The following IDE variants were observed in gnomAD, a reference collection of about 807,000 sequenced individuals.
IDE encodes the protein insulin-degrading enzyme.
In IDE, 58 loss-of-function variants were observed where a neutral mutation model predicts 133.2. The ratio of observed to expected loss-of-function variants is 0.44; its 90% CI spans 0.35 to 0.54. IDE has a LOEUF of 0.54. IDE is among the 20% of genes least tolerant of loss of function. IDE has a pLI of 0.00. For synonymous variants in IDE, 396 were observed against 421.3 expected, an observed-to-expected ratio of 0.94 and a Z score of 0.73; for missense variants, 981 against 1,234.0, an observed-to-expected ratio of 0.79 and a Z score of 3.07.
chr10:92,568,232 TAC>T (rs199634564), intron 1 of IDE, among the ~76,000 whole-genome samples: 3,178 of 152,270 alleles, frequency 0.021, 49 homozygotes, highest in Admixed American at 0.052. Flanking sequence ...GCTAGAGAAA[TAC>T]ATTTGGGAGT....
intron 1 of IDE, among the ~76,000 whole-genome samples, chr10:92,545,178 C>T (rs942355323): frequency 4.6e-5 from 7 of 151,982 alleles, no homozygotes; most frequent in African/African-American, 1.4e-4. Flanking sequence ...AACAATCTCC[C>T]GCCCTCCCCC....
chr10:92,573,136 C>T (rs1255001221), intron 1 of IDE: 1 of 985,286 alleles, frequency 1.0e-6, no homozygotes, highest in Admixed American at 6.1e-5. Context: ...AAGTATTCAG[C>T]GTTCACTACA....
At chr10:92,511,640 C>G (rs1169892719) in intron 5 of IDE, among the ~76,000 whole-genome samples, 1 of 151,974 alleles carries the variant, frequency 6.6e-6, no homozygotes, top group East Asian at 1.9e-4. Flanking sequence ...TCTTTTGTGC[C>G]TTTAAGTGTA....
intron 1 of IDE, among the ~76,000 whole-genome samples, chr10:92,556,945 T>C (rs897891619): frequency 6.7e-6 from 1 of 150,214 alleles, no homozygotes; most frequent in Non-Finnish European, 1.5e-5. Context: ...AAAAAACTTA[T>C]GCATAAATTT....
At chr10:92,494,540 A>G (rs1847576412) in intron 11 of IDE, among the ~76,000 whole-genome samples, 2 of 152,046 alleles carry the variant, frequency 1.3e-5, no homozygotes. Flanking sequence ...CCTTGAGTTC[A>G]AGGCAAGCCT....
chr10:92,495,332 T>C (rs925918792), intron 11 of IDE, among the ~76,000 whole-genome samples: 9 of 151,660 alleles, frequency 5.9e-5, no homozygotes, highest in Non-Finnish European at 1.3e-4. Context: ...GCGATTCTCC[T>C]GCCTCAGCCT....
chr10:92,534,648 A>C lies in IDE; in HGVS notation c.421T>G (p.Phe141Val). The C allele has an allele frequency of 6.2e-7, 1 of 1,613,892 alleles. No homozygotes were observed. The change falls in exon 3 of 25, where the codon TTT becomes GTT. Residue 141 changes from phenylalanine to valine, a missense_variant. Coordinates refer to ENST00000265986, the MANE Select transcript of IDE (RefSeq NM_004969.4). ...TAATTGGTATGCTCTCCACTAGTAA[A>C]GGCATTTGAACTTCCTGCATGCTCA... is the stretch of plus-strand genomic sequence containing the variant. ...LSEHAGSSNA[F>V]TSGEHTNYYF...
chr10:92,503,430 C>G (rs1292097933), intron 11 of IDE, among the ~76,000 whole-genome samples: 1 of 152,064 alleles, frequency 6.6e-6, no homozygotes. Context: ...CCTTGGCTTC[C>G]CAAAAAATAG....
intron 20 of IDE, among the ~76,000 whole-genome samples, 195 bp downstream of exon 20, chr10:92,465,481 T>C (rs1845633383): frequency 6.6e-6 from 1 of 152,214 alleles, no homozygotes; most frequent in African/African-American, 2.4e-5. Flanking sequence ...ATCTCATAAA[T>C]AATTGCTTTA....
chr10:92,549,482 C>T (rs182367811), intron 1 of IDE, among the ~76,000 whole-genome samples: 25 of 152,082 alleles, frequency 1.6e-4, no homozygotes, highest in Non-Finnish European at 3.2e-4. Context: ...AATCAATCAA[C>T]ATCTAAGCCA....
intron 18 of IDE, 22 bp downstream of exon 18, chr10:92,470,232 T>G: frequency 1.3e-6 from 2 of 1,504,574 alleles, no homozygotes; most frequent in Non-Finnish European, 1.8e-6. Flanking sequence ...CACAAAAGAT[T>G]GCTAAAACCT....
At chr10:92,534,843 A>T in intron 2 of IDE, 58 bp from the exon 3 acceptor site, 1 of 1,305,722 alleles carries the variant, frequency 7.7e-7, no homozygotes, top group Non-Finnish European at 1.1e-6. Context: ...GTTAGTAAGT[A>T]CAGGTGATTT....
At chr10:92,463,340 T>C (rs1367029953) in intron 21 of IDE, among the ~76,000 whole-genome samples, 1 of 152,234 alleles carries the variant, frequency 6.6e-6, no homozygotes, top group Non-Finnish European at 1.5e-5. Context: ...TGAACTCCTG[T>C]GCCTCAAGGG....
intron 15 of IDE, among the ~76,000 whole-genome samples, chr10:92,477,749 T>C (rs1294653088): frequency 6.6e-6 from 1 of 152,218 alleles, no homozygotes; most frequent in Admixed American, 6.5e-5. Context: ...TTGATGGTAA[T>C]ATGCTACTAA....
At chr10:92,544,560 G>C (rs750407807) in intron 1 of IDE, among the ~76,000 whole-genome samples, 14 of 152,196 alleles carry the variant, frequency 9.2e-5, no homozygotes, top group Non-Finnish European at 1.2e-4. Context: ...GGACAGAGGT[G>C]GTGCTGAAGG....
At chr10:92,522,443 G>T (rs1314721482) in intron 4 of IDE, among the ~76,000 whole-genome samples, 1 of 152,126 alleles carries the variant, frequency 6.6e-6, no homozygotes, top group Non-Finnish European at 1.5e-5. Context: ...AACCTATACA[G>T]ATAGTTCCAC....
intron 1 of IDE, among the ~76,000 whole-genome samples, chr10:92,546,173 A>T (rs979041280): frequency 2.0e-5 from 3 of 152,230 alleles, no homozygotes; most frequent in African/African-American, 7.2e-5. Flanking sequence ...CCTTCCATTT[A>T]TACAAAGCAG....
intron 18 of IDE, among the ~76,000 whole-genome samples, chr10:92,469,218 T>C (rs1305646970): frequency 6.6e-6 from 1 of 152,134 alleles, no homozygotes; most frequent in African/African-American, 2.4e-5. Flanking sequence ...CTGATGCTGA[T>C]GCTGGAAAAA....
At chr10:92,481,052 G>T in intron 14 of IDE, 1 of 242,406 alleles carries the variant, frequency 4.1e-6, no homozygotes, top group Non-Finnish European at 6.6e-6. Context: ...ATTTTTTAAG[G>T]TATGATACAT....
Sources: allele counts gnomAD v4.1 joint callset (sites outside exome capture counted in the v4.1 genomes callset), GRCh38; gene constraint gnomAD v4.1.1; transcripts MANE v1.5; gene names NCBI Gene and HGNC (gene_info 2026-07-23, HGNC 2026-07-21).